Variants in CRY1 observed in about 807,000 individuals in gnomAD.
The protein encoded by CRY1 is cryptochrome circadian regulator 1.
In CRY1, 45 loss-of-function variants were observed where a neutral mutation model predicts 76.0. The ratio of observed to expected loss-of-function variants is 0.59; its 90% CI spans 0.47 to 0.76. The LOEUF is 0.76. Among genes scored for constraint, CRY1 ranks in the 30% least tolerant of loss-of-function variants. The pLI is 0.00. For synonymous variants in CRY1, 248 were observed against 244.0 expected (o/e 1.02, Z -0.15); for missense variants, 587 against 716.4 (o/e 0.82, Z 2.06).
At chr12:107,004,548 A>G (rs1203939941) in intron 3 of CRY1, among the ~76,000 whole-genome samples, 3 of 152,198 alleles carry the variant, frequency 2.0e-5, no homozygotes, top group Admixed American at 6.5e-5. Flanking sequence ...TGTGGGACAA[A>G]GCATCACCAA....
chr12:107,015,597 C>CA (rs1167306299), intron 2 of CRY1, among the ~76,000 whole-genome samples: 4 of 152,178 alleles, frequency 2.6e-5, no homozygotes, highest in Non-Finnish European at 5.9e-5. Context: ...TTAAGCAACA[C>CA]GTAGTTACCT....
chr12:106,992,570 T>C (rs1179212514), intron 12 of CRY1: 1 of 425,724 alleles, frequency 2.3e-6, no homozygotes, highest in African/African-American at 2.0e-5. Context: ...TTAAAGAGCA[T>C]TGGTTCAGAT....
chr12:107,040,091 C>T (rs1201805833), intron 1 of CRY1, among the ~76,000 whole-genome samples: 1 of 151,712 alleles, frequency 6.6e-6, no homozygotes, highest in African/African-American at 2.4e-5. Context: ...TAAAATAAGC[C>T]AGTGAAAAAA....
intron 1 of CRY1, chr12:107,049,789 C>A (rs1322112171): frequency 1.3e-5 from 2 of 152,164 alleles, no homozygotes; most frequent in African/African-American, 4.8e-5. Flanking sequence ...TGGTCTAGGA[C>A]AACCAAATCA....
At chr12:107,084,136 C>G (rs544933079) in intron 1 of CRY1, among the ~76,000 whole-genome samples, 1 of 152,190 alleles carries the variant, frequency 6.6e-6, no homozygotes, top group African/African-American at 2.4e-5. Context: ...ATGTGAAGGA[C>G]CTCTTCAAGG....
At chr12:107,006,234 T>C (rs1340578233) in intron 2 of CRY1, among the ~76,000 whole-genome samples, 2 of 151,852 alleles carry the variant, frequency 1.3e-5, no homozygotes, top group Non-Finnish European at 2.9e-5. Context: ...AAAAATAAAA[T>C]CATTAGCTGG....
At chr12:107,032,412 C>T (rs959856810) in intron 1 of CRY1, among the ~76,000 whole-genome samples, 11 of 151,916 alleles carry the variant, frequency 7.2e-5, no homozygotes, top group African/African-American at 1.7e-4. Context: ...ATCACCTCAA[C>T]GCAAATTCAT....
intron 1 of CRY1, among the ~76,000 whole-genome samples, chr12:107,059,165 T>C (rs2136882184): frequency 6.6e-6 from 1 of 152,340 alleles, no homozygotes; most frequent in Middle Eastern, 3.4e-3. Flanking sequence ...ATAATGTGCC[T>C]AATATTTTCT....
chr12:107,065,368 G>A (rs1322062560), intron 1 of CRY1, among the ~76,000 whole-genome samples: 4 of 152,102 alleles, frequency 2.6e-5, no homozygotes, highest in Admixed American at 2.0e-4. Flanking sequence ...CAAGGCGGGC[G>A]GATAACCTGA....
chr12:107,069,574 G>GTATATATAAAGTA (rs1565842696), intron 1 of CRY1, among the ~76,000 whole-genome samples: 2 of 108,174 alleles, frequency 1.8e-5, no homozygotes, highest in African/African-American at 9.6e-5. Flanking sequence ...TATATATAAA[G>GTATATATAAAGTA]TATATATATA....
intron 1 of CRY1, among the ~76,000 whole-genome samples, chr12:107,083,094 G>A (rs1324719293): frequency 2.6e-5 from 4 of 152,112 alleles, no homozygotes; most frequent in Non-Finnish European, 5.9e-5. Flanking sequence ...AAATCTAGAA[G>A]AAATGGATAA....
chr12:107,077,080 C>T (rs771099459), intron 1 of CRY1, among the ~76,000 whole-genome samples: 12 of 152,014 alleles, frequency 7.9e-5, no homozygotes, highest in Admixed American at 3.9e-4. Flanking sequence ...AATGCAAGAA[C>T]GGCCTACTAC....
chr12:107,045,331 G>A (rs938157939), intron 1 of CRY1, among the ~76,000 whole-genome samples: 1 of 152,094 alleles, frequency 6.6e-6, no homozygotes, highest in Non-Finnish European at 1.5e-5. Context: ...GCAAAACTGA[G>A]GAAATTTATC....
chr12:107,000,113 T>C lies in CRY1; in HGVS notation c.685-31A>G. On this transcript the variant is annotated intron_variant, in intron 5 of 12. Coordinates refer to ENST00000008527, the MANE Select transcript of CRY1 (RefSeq NM_004075.5). ...AACACACAGAGAAAATTATATTAAC[T>C]AATTGTCTTTTTCATTTTAAAAGAA... The C allele has an allele frequency of 1.3e-6, 2 of 1,548,438 alleles. 1 individual carries two copies. The highest frequency in any genetic ancestry group is 2.5e-5 in the South Asian group (2 of 78,818).
At chr12:107,048,302 G>T (rs1392133326) in intron 1 of CRY1, among the ~76,000 whole-genome samples, 1 of 152,016 alleles carries the variant, frequency 6.6e-6, no homozygotes, top group African/African-American at 2.4e-5. Context: ...GGCTGGTCTC[G>T]AACTCTGGAC....
At chr12:107,085,046 CA>C (rs1953380218) in intron 1 of CRY1, among the ~76,000 whole-genome samples, 1 of 150,578 alleles carries the variant, frequency 6.6e-6, no homozygotes, top group Non-Finnish European at 1.5e-5. Flanking sequence ...TTTATGTGGC[CA>C]AAAAACATGA....
At position 107,074,274 on chromosome 12, in the gene CRY1, C is replaced by T. The variant is rs571176337; in HGVS notation, c.158+18530G>A. 2.0e-5 allele frequency among the ~76,000 whole-genome samples: 3 copies of T among 152,236 alleles called. 1 individual carries two copies. Among genetic ancestry groups the T allele is most frequent in the African/African-American group, 7.2e-5 (3 of 41,536 alleles). ...TACATAATACCAATAAAAGGCTTGG[C>T]AGCACATTCTCTAAGACATATACAC... is the stretch of plus-strand genomic sequence containing the variant. On this transcript the variant is annotated intron_variant, in intron 1 of 12. Coordinates refer to ENST00000008527, the MANE Select transcript of CRY1 (RefSeq NM_004075.5).
Position 107,021,055 on chromosome 12 carries a change from C to T in CRY1, c.267+1029G>A, listed in dbSNP as rs555397548. 5.9e-5 allele frequency among the ~76,000 whole-genome samples: 9 copies of T among 152,160 alleles called. No individual in the cohort carries two copies. In the South Asian group the frequency reaches 1.7e-3, roughly 28 times the overall value. ...TTCCAGCACTTTGGGAGGTCGAGGC[C>T]GGTGGATCACCTAAGGTCAGGAGTT... On this transcript the variant is annotated intron_variant, in intron 2 of 12. Coordinates refer to ENST00000008527, the MANE Select transcript of CRY1 (RefSeq NM_004075.5).
chr12:107,001,751 A>T lies in CRY1; in HGVS notation c.595+13T>A. 6.5e-7 allele frequency: 1 copy of T among 1,529,588 alleles called. No individual in the cohort carries two copies. Among genetic ancestry groups the T allele is most frequent in the Non-Finnish European group, 8.7e-7 (1 of 1,149,872 alleles). The allele number at this position is 1,529,588 out of a possible 1,614,324, so 94.8% of individuals were successfully genotyped here. ...AACTTGCAAGCCTCACACTGACTACAGTTTACACTCACCTAGCTCTTCCAG... is the reference window on the plus strand; with the variant it reads ...AACTTGCAAGCCTCACACTGACTACTGTTTACACTCACCTAGCTCTTCCAG... On this transcript the variant is annotated intron_variant, in intron 4 of 12. Coordinates refer to ENST00000008527, the MANE Select transcript of CRY1 (RefSeq NM_004075.5).
Sources: allele counts gnomAD v4.1 joint callset (sites outside exome capture counted in the v4.1 genomes callset), GRCh38; gene constraint gnomAD v4.1.1; transcripts MANE v1.5; gene names NCBI Gene and HGNC (gene_info 2026-07-23, HGNC 2026-07-21).